The following NCKAP5 variants were observed in gnomAD, a reference collection of about 807,000 sequenced individuals.
The protein encoded by NCKAP5 is nck-associated protein 5.
NCKAP5 carries 92 observed loss-of-function variants against 167.0 expected under a neutral mutation model. That is an observed-to-expected ratio of 0.55 (90% CI 0.47 to 0.66). The LOEUF (loss-of-function observed/expected upper bound fraction) is 0.66, where lower values mean the gene tolerates loss of function less well. Ranked by LOEUF, NCKAP5 falls within the 30% of genes least tolerant of loss-of-function variation. The pLI is 0.00. For synonymous variants in NCKAP5, 891 were observed against 877.4 expected (o/e 1.02, Z -0.27); for missense variants, 2,378 against 2,315.0 (o/e 1.03, Z -0.56).
At chr2:133,212,441 C>A (rs925419036) in intron 5 of NCKAP5, among the ~76,000 whole-genome samples, 1 of 152,124 alleles carries the variant, frequency 6.6e-6, no homozygotes, top group African/African-American at 2.4e-5. Flanking sequence ...AATCTCGGCT[C>A]GCTGCAACCT....
chr2:133,387,184 T>C (rs1449641106), intron 3 of NCKAP5, among the ~76,000 whole-genome samples: 2 of 152,174 alleles, frequency 1.3e-5, no homozygotes, highest in Non-Finnish European at 2.9e-5. Context: ...TGGCTGGTAC[T>C]GGTTGTTCCT....
rs139449936 is a variant in NCKAP5 at position 132,808,618 on chromosome 2, G to A, written c.808-11889C>T. Reference sequence around the variant, plus strand: ...CGTCAGTTGTAATATCTCCTGTTTCGTTTCTTAGTGAGGTTGTTTGGATTT... The same window carrying A: ...CGTCAGTTGTAATATCTCCTGTTTCATTTCTTAGTGAGGTTGTTTGGATTT... On this transcript the variant is annotated intron_variant, in intron 11 of 19. Transcript: ENST00000409261. 4.8e-3 allele frequency among the ~76,000 whole-genome samples: 723 copies of A among 152,070 alleles called. 7 individuals carry two copies. The highest frequency in any genetic ancestry group is 0.016 in the African/African-American group (665 of 41,518).
chr2:133,248,946 C>T (rs541554468), intron 4 of NCKAP5, among the ~76,000 whole-genome samples: 11 of 152,260 alleles, frequency 7.2e-5, no homozygotes, highest in African/African-American at 2.6e-4. Flanking sequence ...TATCCCTGAA[C>T]ATTTCTTGGT....
intron 6 of NCKAP5, among the ~76,000 whole-genome samples, chr2:133,104,353 A>C (rs1435797864): frequency 1.3e-5 from 2 of 152,154 alleles, no homozygotes; most frequent in Non-Finnish European, 1.5e-5. Flanking sequence ...AAAACCGGAG[A>C]TGTTATTGGT....
At chr2:133,336,332 G>A (rs1175201267) in intron 3 of NCKAP5, among the ~76,000 whole-genome samples, 1 of 152,070 alleles carries the variant, frequency 6.6e-6, no homozygotes, top group Admixed American at 6.6e-5. Flanking sequence ...CCAAGTAAGC[G>A]GCTAAGTTGG....
intron 8 of NCKAP5, among the ~76,000 whole-genome samples, chr2:132,882,325 G>A (rs1339161691): frequency 6.6e-6 from 1 of 152,050 alleles, no homozygotes; most frequent in Non-Finnish European, 1.5e-5. Flanking sequence ...GTCGCTTTCA[G>A]TGGAAGGATT....
intron 4 of NCKAP5, among the ~76,000 whole-genome samples, chr2:133,241,212 T>C (rs1008201803): frequency 1.3e-5 from 2 of 152,202 alleles, no homozygotes; most frequent in Non-Finnish European, 2.9e-5. Context: ...TTCCAGAAAT[T>C]GTTTGCTTTT....
At chr2:133,414,680 C>T (rs750517362) in intron 3 of NCKAP5, among the ~76,000 whole-genome samples, 9 of 152,208 alleles carry the variant, frequency 5.9e-5, no homozygotes, top group Non-Finnish European at 1.3e-4. Context: ...CACATTCTTA[C>T]ACATCATACT....
intron 8 of NCKAP5, among the ~76,000 whole-genome samples, chr2:132,933,111 G>T (rs1260116923): frequency 6.6e-6 from 1 of 152,018 alleles, no homozygotes; most frequent in East Asian, 1.9e-4. Context: ...ATTTTTAGTA[G>T]AGACGGGGTT....
At chr2:132,853,731 G>T (rs147184177) in intron 11 of NCKAP5, among the ~76,000 whole-genome samples, 1 of 152,054 alleles carries the variant, frequency 6.6e-6, no homozygotes, top group Non-Finnish European at 1.5e-5. Flanking sequence ...TACAGCTTAC[G>T]GAGCCAACAA....
chr2:133,101,238 CTCTGT>C (rs1307074593), intron 6 of NCKAP5, among the ~76,000 whole-genome samples: 1 of 142,984 alleles, frequency 7.0e-6, no homozygotes, highest in Admixed American at 7.1e-5. Context: ...TTTCTGAGGG[CTCTGT>C]TCTGTTCCAT....
chr2:132,738,266 G>C (rs1050860966), intron 16 of NCKAP5, among the ~76,000 whole-genome samples: 2 of 152,156 alleles, frequency 1.3e-5, no homozygotes, highest in East Asian at 1.9e-4. Flanking sequence ...GGACAAGAAT[G>C]GATGACCAAG....
chr2:133,115,260 A>T (rs543310407), intron 6 of NCKAP5, among the ~76,000 whole-genome samples: 1 of 152,184 alleles, frequency 6.6e-6, no homozygotes, highest in Non-Finnish European at 1.5e-5. Flanking sequence ...AGACTTTTCA[A>T]ATTGGATCCT....
chr2:133,095,582 C>T (rs1048137065), intron 6 of NCKAP5, among the ~76,000 whole-genome samples: 1 of 152,232 alleles, frequency 6.6e-6, no homozygotes, highest in African/African-American at 2.4e-5. Flanking sequence ...CCCAGCCAAG[C>T]TTCAGATAAT....
intron 17 of NCKAP5, 98 bp downstream of exon 17, chr2:132,731,639 T>C (rs1423097999): frequency 7.7e-7 from 1 of 1,306,284 alleles, no homozygotes; most frequent in Non-Finnish European, 1.0e-6. Context: ...ATCTACATTT[T>C]TATCAGGCAG....
chr2:133,335,315 C>T lies in NCKAP5; in HGVS notation c.70-32205G>A, dbSNP rs570608019. 9.2e-5 allele frequency among the ~76,000 whole-genome samples: 14 copies of T among 152,292 alleles called. No individual in the cohort carries two copies. In the South Asian group the frequency reaches 2.5e-3, roughly 27 times the overall value. On this transcript the variant is annotated intron_variant, in intron 3 of 19. Coordinates refer to ENST00000409261, the MANE Select transcript of NCKAP5 (RefSeq NM_207363.3). ...CAAACAAGCAAATTGCTACACTTGA[C>T]AACAGAAATATAAGCCAAATCTGAA...
chr2:133,171,968 T>C (rs1042704755), intron 5 of NCKAP5, among the ~76,000 whole-genome samples: 3 of 152,210 alleles, frequency 2.0e-5, no homozygotes, highest in African/African-American at 7.2e-5. Flanking sequence ...AAAATGTCTA[T>C]TTGACATCTT....
chr2:133,255,221 G>A (rs545778159), intron 4 of NCKAP5, among the ~76,000 whole-genome samples: 7 of 152,208 alleles, frequency 4.6e-5, no homozygotes, highest in African/African-American at 1.4e-4. Flanking sequence ...TAGTTACCAC[G>A]GAAGTATTCA....
chr2:133,121,785 T>C (rs2082259453), intron 6 of NCKAP5, among the ~76,000 whole-genome samples: 1 of 152,186 alleles, frequency 6.6e-6, no homozygotes, highest in South Asian at 2.1e-4. Context: ...ACATGAATGT[T>C]GATAGCAGCT....
Sources: allele counts gnomAD v4.1 joint callset (sites outside exome capture counted in the v4.1 genomes callset), GRCh38; gene constraint gnomAD v4.1.1; transcripts MANE v1.5; gene names NCBI Gene and HGNC (gene_info 2026-07-23, HGNC 2026-07-21).